GALNT9: variants seen among roughly 807,000 people sequenced by gnomAD.
The protein encoded by GALNT9 is polypeptide N-acetylgalactosaminyltransferase 9, also known as GalNAc transferase 9.
Under a neutral mutation model 63.1 loss-of-function variants are expected in GALNT9, and 47 were observed. The ratio of observed to expected loss-of-function variants is 0.75; its 90% CI spans 0.59 to 0.95. The LOEUF (loss-of-function observed/expected upper bound fraction) is 0.95, where lower values mean the gene tolerates loss of function less well. Ranked by LOEUF, GALNT9 falls within the 40% of genes least tolerant of loss-of-function variation. GALNT9 has a pLI of 0.00. For missense variants in GALNT9, 829 were observed against 874.8 expected (o/e 0.95, Z 0.66); for synonymous variants, 396 against 365.7 (o/e 1.08, Z -0.94).
At chr12:132,219,206 A>G (rs1877337776) in intron 6 of GALNT9, among the ~76,000 whole-genome samples, 1 of 152,112 alleles carries the variant, frequency 6.6e-6, no homozygotes, top group Admixed American at 6.5e-5. Flanking sequence ...ACAGATGAGG[A>G]TACAGTTTAG....
chr12:132,239,487 T>G (rs143662168), intron 6 of GALNT9, among the ~76,000 whole-genome samples: 626 of 59,608 alleles, frequency 0.011, no homozygotes, highest in Middle Eastern at 0.028. Flanking sequence ...GAGACAGAGA[T>G]ACAGAGAGAC....
At chr12:132,248,196 C>T (rs1555238262) in intron 5 of GALNT9, among the ~76,000 whole-genome samples, 169 bp from the exon 6 acceptor site, 1 of 152,228 alleles carries the variant, frequency 6.6e-6, no homozygotes, top group African/African-American at 2.4e-5. Context: ...GCTCCTCCAG[C>T]CACCAGGACT....
At position 132,286,566 on chromosome 12, in the gene GALNT9, G is replaced by A; in HGVS notation, c.239-136C>T. The stretch of plus-strand genomic sequence containing the variant: ...CCCAGCAAACTCCCTGCAGATGGCA[G>A]GCTGCCAGCTCAGGACATTCCAGAA... On this transcript the variant is annotated intron_variant, in intron 1 of 10. Coordinates refer to ENST00000328957, the MANE Select transcript of GALNT9 (RefSeq NM_001122636.2). The surrounding 1 kb of genome is among the most constrained non-coding windows in gnomAD (Gnocchi z 7.4). The A allele has an allele frequency of 7.4e-7, 1 of 1,356,752 alleles. No individual in the cohort carries two copies. Among genetic ancestry groups the A allele is most frequent in the Non-Finnish European group, 9.7e-7 (1 of 1,027,592 alleles). The allele number at this position is 1,356,752 out of a possible 1,614,324, so 84.0% of individuals were successfully genotyped here.
At chr12:132,214,006 A>C (rs982825983) in intron 6 of GALNT9, among the ~76,000 whole-genome samples, 2 of 151,302 alleles carry the variant, frequency 1.3e-5, no homozygotes, top group African/African-American at 2.4e-5. Context: ...GTCCTCAACC[A>C]CCCCCGCTCC....
At position 132,329,128 on chromosome 12, in the gene GALNT9, C is replaced by G; in HGVS notation, c.76G>C (p.Val26Leu). 3.2e-6 allele frequency: 5 copies of G among 1,549,636 alleles called. No homozygotes were observed. In the South Asian group the frequency reaches 6.0e-5, roughly 18 times the overall value. Residue 26 changes from valine to leucine, a missense_variant, in exon 1 of 11, where the codon GTG becomes CTG. Val to Leu is a conservative substitution (Grantham distance 32). Coordinates refer to ENST00000328957, the MANE Select transcript of GALNT9 (RefSeq NM_001122636.2). ...GAGCGGCCCTGCAGGCGGCAGTACA[C>G]GGAGAACAGGACGATGCCCACGAAC... Reference protein sequence around the residue: ...LVFVGIVLFSVYCRLQGRSQE... With the variant: ...LVFVGIVLFSLYCRLQGRSQE...
In GALNT9 at chr12:132,207,748, G is replaced by A. The variant is rs186005443; in HGVS notation, c.1078-4058C>T. The stretch of plus-strand genomic sequence containing the variant: ...CCGCAGACCCCTGAGCTTTCGGGGT[G>A]TGTGAGGTGCCCCCTAAGCACAAGG... On this transcript the variant is annotated intron_variant, in intron 6 of 10. Transcript: ENST00000328957. 5.3e-5 allele frequency among the ~76,000 whole-genome samples: 8 copies of A among 152,300 alleles called. No homozygotes were observed. In the East Asian group the frequency reaches 9.7e-4, roughly 18 times the overall value.
intron 6 of GALNT9, among the ~76,000 whole-genome samples, chr12:132,214,622 C>T (rs548301144): frequency 3.6e-4 from 55 of 152,378 alleles, no homozygotes; most frequent in Non-Finnish European, 5.7e-4. Context: ...CCCAGGCCTG[C>T]TCACCCGGCC....
Position 132,236,520 on chromosome 12 carries a change from C to T in GALNT9, c.1077+11390G>A, listed in dbSNP as rs968415279. Among the ~76,000 whole-genome samples, 1 of 152,158 alleles carries T rather than the reference C, an allele frequency of 6.6e-6. No homozygotes were observed. The highest frequency in any genetic ancestry group is 1.5e-5 in the Non-Finnish European group (1 of 68,012). Reference sequence around the variant, plus strand: ...ACGTGGGGGGATGGCGTCTCTCCCTCCCCCAGCCCTTTCCCCTTCCTTCCT... The same window carrying T: ...ACGTGGGGGGATGGCGTCTCTCCCTTCCCCAGCCCTTTCCCCTTCCTTCCT... On this transcript the variant is annotated intron_variant, in intron 6 of 10. Coordinates refer to ENST00000328957, the MANE Select transcript of GALNT9 (RefSeq NM_001122636.2). The surrounding 1 kb of genome is among the most constrained non-coding windows in gnomAD (Gnocchi z 5.6).
chr12:132,203,829 C>T, intron 6 of GALNT9, 139 bp from the exon 7 acceptor site: 2 of 891,272 alleles, frequency 2.2e-6, no homozygotes, highest in Non-Finnish European at 3.3e-6. Flanking sequence ...CTGGTGGGTC[C>T]CGGGGCTTTG....
intron 1 of GALNT9, among the ~76,000 whole-genome samples, chr12:132,290,562 C>T (rs528777965): frequency 6.6e-6 from 1 of 151,748 alleles, no homozygotes; most frequent in East Asian, 1.9e-4. Context: ...CACCCACGTC[C>T]ACACCACCCA....
intron 2 of GALNT9, chr12:132,284,587 A>G (rs1880514166): frequency 6.6e-6 from 1 of 152,254 alleles, no homozygotes. Context: ...GTAGAATGAA[A>G]ATAAAATAAT....
chr12:132,250,364 G>C (rs1878866232), intron 5 of GALNT9, among the ~76,000 whole-genome samples: 1 of 152,226 alleles, frequency 6.6e-6, no homozygotes, highest in African/African-American at 2.4e-5. Context: ...CGAGACGGAG[G>C]TGGCAGCTGC....
Position 132,201,349 on chromosome 12 carries a change from C to A in GALNT9, c.1264-88G>T. 6 of 856,020 alleles carry A rather than the reference C, an allele frequency of 7.0e-6. No homozygotes were observed. In the South Asian group the frequency reaches 9.4e-5, roughly 13 times the overall value. The allele number at this position is 856,020 out of a possible 1,614,324, so 53.0% of individuals were successfully genotyped here. On this transcript the variant is annotated intron_variant, in intron 7 of 10. Coordinates refer to ENST00000328957, the MANE Select transcript of GALNT9 (RefSeq NM_001122636.2). ...AATGAGGTTGGGGGTCTCCAGGGAC[C>A]AAGTGCCCTCACAGGAGCAGCCTCC...
chr12:132,265,142 A>G lies in GALNT9; in HGVS notation c.420-2517T>C, dbSNP rs1422179054. Reference sequence around the variant, plus strand: ...GGCTCAACCCAGCCCCAAGAAAAAGATAAAGGAGCGCAAAGATTTTCCAAC... The same window carrying G: ...GGCTCAACCCAGCCCCAAGAAAAAGGTAAAGGAGCGCAAAGATTTTCCAAC... On this transcript the variant is annotated intron_variant, in intron 2 of 10. Transcript: ENST00000328957. The surrounding 1 kb of genome is among the most constrained non-coding windows in gnomAD (Gnocchi z 5.3). Among the ~76,000 whole-genome samples, 2 of 152,348 alleles carry G rather than the reference A, an allele frequency of 1.3e-5. No homozygotes were observed. Among genetic ancestry groups the G allele is most frequent in the Non-Finnish European group, 2.9e-5 (2 of 68,022 alleles).
chr12:132,306,527 T>C (rs1449434944), intron 1 of GALNT9, among the ~76,000 whole-genome samples: 2 of 152,120 alleles, frequency 1.3e-5, no homozygotes, highest in Non-Finnish European at 2.9e-5. Context: ...TAAGGCGAAG[T>C]CAGTTCGGAC....
chr12:132,328,167 G>A (rs1350070658), intron 1 of GALNT9, among the ~76,000 whole-genome samples: 1 of 152,180 alleles, frequency 6.6e-6, no homozygotes, highest in Non-Finnish European at 1.5e-5. Context: ...AAAAGTGCTT[G>A]CTCTCAGCAG....
intron 6 of GALNT9, among the ~76,000 whole-genome samples, chr12:132,211,072 C>T (rs1034694198): frequency 6.6e-6 from 1 of 152,170 alleles, no homozygotes; most frequent in South Asian, 2.1e-4. Context: ...TCCACCACAA[C>T]GCCTGGCTGC....
chr12:132,212,234 G>C (rs1876986800), intron 6 of GALNT9, among the ~76,000 whole-genome samples: 1 of 125,930 alleles, frequency 7.9e-6, no homozygotes, highest in South Asian at 2.9e-4. Flanking sequence ...GCAGCCCTCA[G>C]ACCTCGACAC....
In GALNT9 at chr12:132,296,317, C is replaced by T. The variant is rs1330356481; in HGVS notation, c.239-9887G>A. On this transcript the variant is annotated intron_variant, in intron 1 of 10. Coordinates refer to ENST00000328957, the MANE Select transcript of GALNT9 (RefSeq NM_001122636.2). The surrounding 1 kb of genome is among the most constrained non-coding windows in gnomAD (Gnocchi z 4.2). ...CAGCCGTCCAGCCCACTCAGACCAGCGGACACAGGTCTGTCTGGGATCCAA... is the reference window on the plus strand; with the variant it reads ...CAGCCGTCCAGCCCACTCAGACCAGTGGACACAGGTCTGTCTGGGATCCAA... Among the ~76,000 whole-genome samples the T allele has an allele frequency of 6.6e-6, 1 of 152,256 alleles. No homozygotes were observed. Among genetic ancestry groups the T allele is most frequent in the African/African-American group, 2.4e-5 (1 of 41,472 alleles).
Sources: gnomAD v4.1 joint callset for allele counts (sites outside exome capture counted in the v4.1 genomes callset) on GRCh38, gnomAD v4.1.1 for gene constraint, Gnocchi (gnomAD v3.1) non-coding constraint, MANE v1.5 for transcripts, NCBI Gene and HGNC (gene_info 2026-07-23, HGNC 2026-07-21) for gene names.